Variants in PDCD5 observed in about 807,000 individuals in gnomAD.
PDCD5 encodes the protein programmed cell death 5.
A neutral mutation model predicts 21.9 loss-of-function variants in PDCD5; 23 were observed. The observed-to-expected ratio is 1.05, with a 90% CI of 0.76 to 1.49. The LOEUF (loss-of-function observed/expected upper bound fraction) is 1.49. Ranked by LOEUF, PDCD5 falls within the 40% of genes most tolerant of loss-of-function variation. The pLI, the probability that PDCD5 is intolerant of heterozygous loss-of-function variation, is 0.00. For synonymous variants in PDCD5, 45 were observed against 49.4 expected, an observed-to-expected ratio of 0.91 and a Z score of 0.37; for missense variants, 152 against 147.7, an observed-to-expected ratio of 1.03 and a Z score of -0.15.
chr19:32,581,207 TCGCGCCGAGGGGCTGCGAGAGTGAC>T lies in PDCD5; in HGVS notation c.-50_-26del. 2.2e-6 allele frequency: 3 copies of T among 1,343,442 alleles called. No individual in the cohort carries two copies. The South Asian group carries it at 4.4e-5, about 20-fold the overall frequency. 83.2% of individuals were successfully genotyped at this position (1,343,442 alleles called of 1,614,324 possible). On this transcript the variant is annotated 5_prime_UTR_variant, in exon 1 of 6. Transcript: ENST00000590247. Reference sequence around the variant, plus strand: ...GCCTGCGCAGTGGTCAAGGCCGCGCTCGCGCCGAGGGGCTGCGAGAGTGACCGCGGCTGCTCCAGCGCTGACGCCG... The same window carrying T: ...GCCTGCGCAGTGGTCAAGGCCGCGCTCGCGGCTGCTCCAGCGCTGACGCCG...
intron 2 of PDCD5, among the ~76,000 whole-genome samples, chr19:32,583,083 G>A (rs1490101281): frequency 1.3e-5 from 2 of 152,150 alleles, no homozygotes; most frequent in Non-Finnish European, 2.9e-5. Context: ...TTCTTCCAGA[G>A]GGGATTTACT....
At chr19:32,584,272 C>T (rs1360892334) in intron 2 of PDCD5, among the ~76,000 whole-genome samples, 1 of 152,170 alleles carries the variant, frequency 6.6e-6, no homozygotes, top group Non-Finnish European at 1.5e-5. Flanking sequence ...CAGCCAGCCC[C>T]AGCTCTCCCT....
At position 32,581,277 on chromosome 19, in the gene PDCD5, C is replaced by A. The variant is rs370449362; in HGVS notation, c.16C>A (p.Leu6Ile). 6.5e-7 allele frequency: 1 copy of A among 1,528,708 alleles called. No homozygotes were observed. Among genetic ancestry groups the A allele is most frequent in the East Asian group, 2.6e-5 (1 of 38,112 alleles). 94.7% of individuals were successfully genotyped at this position (1,528,708 alleles called of 1,614,324 possible). A position where few individuals can be genotyped will look rare whatever the true frequency, so the allele number is the denominator to read the frequency against. The change falls in exon 1 of 6, where the codon CTT becomes ATT. Residue 6 changes from leucine (L) to isoleucine (I), a missense_variant. Leu to Ile is a conservative substitution (Grantham distance 5, BLOSUM62 2). Coordinates refer to ENST00000590247, the MANE Select transcript of PDCD5 (RefSeq NM_004708.4). MADEE[L>I]EALRRQRLAE... ...ACGCCGAGCCATGGCGGACGAGGAG[C>A]TTGAGGCGCTGAGGAGACAGAGGCT...
At chr19:32,586,970 T>C in intron 5 of PDCD5, 41 bp downstream of exon 5, 1 of 1,452,916 alleles carries the variant, frequency 6.9e-7, no homozygotes, top group Non-Finnish European at 9.6e-7. Context: ...AAAAGATGGA[T>C]ACTTTAAAGA....
chr19:32,581,204 C>G lies in PDCD5; in HGVS notation c.-58C>G. On this transcript the variant is annotated 5_prime_UTR_variant, in exon 1 of 6. Coordinates refer to ENST00000590247, the MANE Select transcript of PDCD5 (RefSeq NM_004708.4). ...AGCGCCTGCGCAGTGGTCAAGGCCG[C>G]GCTCGCGCCGAGGGGCTGCGAGAGT... 1 of 1,312,460 alleles carries G rather than the reference C, an allele frequency of 7.6e-7. No homozygotes were observed. Among genetic ancestry groups the G allele is most frequent in the Non-Finnish European group, 1.0e-6 (1 of 985,418 alleles). 81.3% of individuals were successfully genotyped at this position (1,312,460 alleles called of 1,614,324 possible).
rs1174528695 is a variant in PDCD5 at position 32,587,360 on chromosome 19, T to G, written c.*60T>G. 8 of 1,159,806 alleles carry G rather than the reference T, an allele frequency of 6.9e-6. No homozygotes were observed. In the African/African-American group the frequency reaches 1.2e-4, roughly 18 times the overall value. The allele number at this position is 1,159,806 out of a possible 1,614,324, so 71.8% of individuals were successfully genotyped here. A position where few individuals can be genotyped will look rare whatever the true frequency, so the allele number is the denominator to read the frequency against. On this transcript the variant is annotated 3_prime_UTR_variant, in exon 6 of 6. Transcript: ENST00000590247. The stretch of plus-strand genomic sequence containing the variant: ...CAAGTCTAGGACAGAAGTTAAGATC[T>G]GATTATTTACTTTGTTTATTGTCTA...
chr19:32,586,509 G>A, intron 4 of PDCD5: 1 of 1,101,434 alleles, frequency 9.1e-7, no homozygotes, highest in East Asian at 6.4e-5. Context: ...AAGCTTCTCG[G>A]GCAGAAGTGG....
rs1014443608 is a variant in PDCD5 at position 32,581,219 on chromosome 19, G to C, written c.-43G>C. On this transcript the variant is annotated 5_prime_UTR_variant, in exon 1 of 6. Transcript: ENST00000590247. ...GTCAAGGCCGCGCTCGCGCCGAGGG[G>C]CTGCGAGAGTGACCGCGGCTGCTCC... 3 of 1,425,428 alleles carry C rather than the reference G, an allele frequency of 2.1e-6. No individual in the cohort carries two copies. Among genetic ancestry groups the C allele is most frequent in the Non-Finnish European group, 1.9e-6 (2 of 1,075,218 alleles). 88.3% of individuals were successfully genotyped at this position (1,425,428 alleles called of 1,614,324 possible). A position where few individuals can be genotyped will look rare whatever the true frequency, so the allele number is the denominator to read the frequency against.
chr19:32,581,448 T>G, intron 1 of PDCD5, 121 bp downstream of exon 1: 1 of 520,258 alleles, frequency 1.9e-6, no homozygotes, highest in Non-Finnish European at 3.0e-6. Context: ...TCCCCTGCGC[T>G]GCCCTGGCGG....
intron 2 of PDCD5, among the ~76,000 whole-genome samples, chr19:32,584,324 T>A (rs981024244): frequency 2.0e-5 from 3 of 152,194 alleles, no homozygotes; most frequent in Non-Finnish European, 4.4e-5. Context: ...GTTTTTAGAT[T>A]TCTTAAAGGA....
intron 4 of PDCD5, chr19:32,586,514 A>C (rs1863127275): frequency 1.8e-6 from 2 of 1,106,434 alleles, no homozygotes; most frequent in African/African-American, 3.3e-5. Context: ...TCTCGGGCAG[A>C]AGTGGTGTGT....
At chr19:32,586,398 C>G (rs1599723391) in intron 4 of PDCD5, 1 of 1,188,758 alleles carries the variant, frequency 8.4e-7, no homozygotes, top group African/African-American at 1.6e-5. Flanking sequence ...CCGAATTGGT[C>G]CTGTCCCCTA....
chr19:32,584,907 A>C, intron 2 of PDCD5, 43 bp from the exon 3 acceptor site: 44 of 1,470,512 alleles, frequency 3.0e-5, no homozygotes, highest in Non-Finnish European at 3.8e-5. Flanking sequence ...GGGAATGCCG[A>C]CAGCTGTGTT....
chr19:32,581,276 G>C lies in PDCD5; in HGVS notation c.15G>C (p.Glu5Asp). MADE[E>D]LEALRRQRLA... ...GACGCCGAGCCATGGCGGACGAGGA[G>C]CTTGAGGCGCTGAGGAGACAGAGGC... The change falls in exon 1 of 6, where the codon GAG becomes GAC. Residue 5 changes from glutamate (E) to aspartate (D), a missense_variant. Physicochemically the swap from Glu to Asp is conservative, Grantham distance 45. Coordinates refer to ENST00000590247, the MANE Select transcript of PDCD5 (RefSeq NM_004708.4). 9.8e-6 allele frequency: 15 copies of C among 1,528,458 alleles called. No homozygotes were observed. The highest frequency in any genetic ancestry group is 1.3e-5 in the Non-Finnish European group (15 of 1,142,324). 94.7% of individuals were successfully genotyped at this position (1,528,458 alleles called of 1,614,324 possible).
intron 1 of PDCD5, 89 bp downstream of exon 1, chr19:32,581,416 G>A: frequency 1.1e-6 from 1 of 885,246 alleles, no homozygotes; most frequent in African/African-American, 1.8e-5. Context: ...CGGAGGCTCT[G>A]GGCGCCTCCC....
intron 2 of PDCD5, among the ~76,000 whole-genome samples, chr19:32,582,770 A>G (rs1350969140): frequency 1.3e-5 from 2 of 152,196 alleles, no homozygotes; most frequent in African/African-American, 4.8e-5. Flanking sequence ...ACACTCTAGA[A>G]TGTTTTCATC....
At chr19:32,581,360 T>C (rs10411464) in intron 1 of PDCD5, 33 bp downstream of exon 1, 1,302,035 of 1,437,084 alleles carry the variant, frequency 0.91, 590,462 homozygotes, top group East Asian at 1. Flanking sequence ...GGCTTGGCCC[T>C]CGCGGGGCGC....
chr19:32,581,734 A>C (rs192649515), intron 1 of PDCD5: 52 of 207,538 alleles, frequency 2.5e-4, no homozygotes, highest in African/African-American at 1.2e-3. Flanking sequence ...CGGTGCTGAG[A>C]GCGCGGCAGG....
Position 32,585,829 on chromosome 19 carries a change from A to C in PDCD5, c.180A>C (p.Ala60=). 1 of 1,592,474 alleles carries C rather than the reference A, an allele frequency of 6.3e-7. No individual in the cohort carries two copies. The highest frequency in any genetic ancestry group is 8.6e-7 in the Non-Finnish European group (1 of 1,161,162). The part of the protein sequence containing the change: ...QSARARLSNL[A]LVKPEKTKAV... Reference sequence around the variant, plus strand: ...TTTTCTTTTTAGTAAGTAACTTAGCACTTGTAAAGCCTGAAAAAACTAAAG... The same window carrying C: ...TTTTCTTTTTAGTAAGTAACTTAGCCCTTGTAAAGCCTGAAAAAACTAAAG... The change falls in exon 4 of 6, where the codon GCA becomes GCC. Residue 60 remains alanine (A), a synonymous_variant. Transcript: ENST00000590247.
Sources: allele counts gnomAD v4.1 joint callset (sites outside exome capture counted in the v4.1 genomes callset), GRCh38; gene constraint gnomAD v4.1.1; transcripts MANE v1.5; gene names NCBI Gene and HGNC (gene_info 2026-07-23, HGNC 2026-07-21).